Variants in ST6GAL2 observed in about 807,000 individuals in gnomAD.
ST6GAL2 encodes ST6 beta-galactoside alpha-2,6-sialyltransferase 2, also known as beta-galactoside alpha-2,6-sialyltransferase 2.
In ST6GAL2, 24 loss-of-function variants were observed where a neutral mutation model predicts 37.5. The observed-to-expected ratio is 0.64, with a 90% confidence interval of 0.46 to 0.90. The LOEUF is 0.90. Among genes scored for constraint, ST6GAL2 ranks in the 40% least tolerant of loss-of-function variants. The pLI is 0.00. For synonymous variants in ST6GAL2, 306 were observed against 295.1 expected (o/e 1.04, Z -0.38); for missense variants, 715 against 712.7 (o/e 1.00, Z -0.04).
intron 1 of ST6GAL2, among the ~76,000 whole-genome samples, chr2:106,864,035 C>T (rs1677920578): frequency 6.6e-6 from 1 of 152,182 alleles, no homozygotes; most frequent in South Asian, 2.1e-4. Context: ...CTTTGGATTG[C>T]ATGTCCCTAG....
At chr2:106,820,182 T>C (rs866108525) in intron 5 of ST6GAL2, among the ~76,000 whole-genome samples, 5 of 152,052 alleles carry the variant, frequency 3.3e-5, no homozygotes, top group African/African-American at 1.2e-4. Flanking sequence ...AGTGGCTGAA[T>C]GGATAACAAA....
intron 4 of ST6GAL2, among the ~76,000 whole-genome samples, chr2:106,832,179 G>A (rs1053919880): frequency 2.6e-5 from 4 of 152,134 alleles, no homozygotes; most frequent in South Asian, 2.1e-4. Context: ...TGAGATTTTC[G>A]TGCCATCACC....
chr2:106,868,781 C>T (rs1050021206), intron 1 of ST6GAL2, among the ~76,000 whole-genome samples: 2 of 151,970 alleles, frequency 1.3e-5, no homozygotes, highest in Non-Finnish European at 2.9e-5. Context: ...GGTCAACTTG[C>T]TTTTCAAATG....
At chr2:106,808,802 A>T (rs1675509937) in intron 5 of ST6GAL2, among the ~76,000 whole-genome samples, 1 of 152,146 alleles carries the variant, frequency 6.6e-6, no homozygotes, top group African/African-American at 2.4e-5. Flanking sequence ...AAATTCTTTT[A>T]TTTCCAGTCA....
In ST6GAL2 at chr2:106,803,004, A is replaced by C. The variant is rs1187962588; in HGVS notation, c.*3674T>G. The C allele has an allele frequency of 6.6e-6, 1 of 152,200 alleles. No individual in the cohort carries two copies. Among genetic ancestry groups the C allele is most frequent in the African/African-American group, 2.4e-5 (1 of 41,456 alleles). The allele number at this position is 152,200 out of a possible 1,614,324, so 9.4% of individuals were successfully genotyped here. ...AAGACTGATCCCACTTAAAGCACCC[A>C]AACGGGACCTACCTAATTAATTCAG... On this transcript the variant is annotated 3_prime_UTR_variant, in exon 6 of 6. Transcript: ENST00000409382.
At chr2:106,852,255 A>T (rs1677398206) in intron 1 of ST6GAL2, among the ~76,000 whole-genome samples, 1 of 152,180 alleles carries the variant, frequency 6.6e-6, no homozygotes, top group African/African-American at 2.4e-5. Context: ...GTCCTGCGGG[A>T]TTGCCAAGTC....
chr2:106,874,138 T>G (rs1456586593), intron 1 of ST6GAL2, among the ~76,000 whole-genome samples: 1 of 152,150 alleles, frequency 6.6e-6, no homozygotes, highest in Admixed American at 6.5e-5. Flanking sequence ...TGCAAGGAAC[T>G]TACAGTTTAG....
At chr2:106,868,600 C>A (rs1460643106) in intron 1 of ST6GAL2, among the ~76,000 whole-genome samples, 1 of 152,160 alleles carries the variant, frequency 6.6e-6, no homozygotes, top group African/African-American at 2.4e-5. Flanking sequence ...TTCAAACATG[C>A]TTGCTGCTAA....
chr2:106,827,660 C>A (rs1479996649), intron 5 of ST6GAL2, among the ~76,000 whole-genome samples: 1 of 152,260 alleles, frequency 6.6e-6, no homozygotes, highest in East Asian at 1.9e-4. Flanking sequence ...ACATAACGTT[C>A]TGGGACAATG....
In ST6GAL2 at chr2:106,829,207, G is replaced by A. The variant is rs75863564; in HGVS notation, c.1318+859C>T. Among the ~76,000 whole-genome samples, 929 of 152,282 alleles carry A rather than the reference G, an allele frequency of 6.1e-3. 11 individuals are homozygous for A. The highest frequency in any genetic ancestry group is 0.021 in the African/African-American group (864 of 41,554). On this transcript the variant is annotated intron_variant, in intron 5 of 5. Transcript: ENST00000409382. ...GCCTCCCTCACTTCCCTCAAGAGGC[G>A]GGGGTCTATGTTTTGTCCCCTGGAA... is the stretch of plus-strand genomic sequence containing the variant.
upstream of ST6GAL2, chr2:106,886,650 G>GCGCCC (rs1390817962): frequency 6.6e-6 from 1 of 151,808 alleles, no homozygotes; most frequent in East Asian, 2.0e-4. Flanking sequence ...AGGCTGCGCC[G>GCGCCC]CGCCCCGCCC....
At chr2:106,865,794 G>T (rs1345852913) in intron 1 of ST6GAL2, among the ~76,000 whole-genome samples, 1 of 152,128 alleles carries the variant, frequency 6.6e-6, no homozygotes, top group Non-Finnish European at 1.5e-5. Context: ...TGGAATTCAG[G>T]CCTTATACTT....
In ST6GAL2 at chr2:106,843,339, A is replaced by G. The variant is rs2104517834; in HGVS notation, c.639T>C (p.Ser213=). The G allele has an allele frequency of 6.2e-7, 1 of 1,614,074 alleles. No individual in the cohort carries two copies. Among genetic ancestry groups the G allele is most frequent in the Non-Finnish European group, 8.5e-7 (1 of 1,180,006 alleles). ...GCAGGCGCGGGTTCAGCATTTTGGA[A>G]GAGACGTTCCCCTTCCAGAGCCGGT... The part of the protein sequence containing the change: ...FLYRLWKGNV[S]SKMLNPRLQK... The change falls in exon 2 of 6, where the codon TCT becomes TCC. Residue 213 remains serine (S), a synonymous_variant. Coordinates refer to ENST00000409382, the MANE Select transcript of ST6GAL2 (RefSeq NM_001142351.2).
rs2104516987 is a variant in ST6GAL2 at position 106,843,248 on chromosome 2, C to A, written c.730G>T (p.Ala244Ser). Reference sequence around the variant, plus strand: ...AGCAGCTGTGCCCTGCTCAGCCCGGCCTCCCGCTTCCCGCGGAAGCGCACC... The same window carrying A: ...AGCAGCTGTGCCCTGCTCAGCCCGGACTCCCGCTTCCCGCGGAAGCGCACC... ...HGVRFRGKRE[A>S]GLSRAQLLCQ... Residue 244 changes from alanine (A) to serine (S), a missense_variant, in exon 2 of 6, where the codon GCC becomes TCC. By Grantham distance (99) the Ala-to-Ser change is moderately conservative (BLOSUM62 1). This residue lies in a region of ST6GAL2 where 512 missense variants were observed against 488.8 expected (regional missense o/e 1.05). Coordinates refer to ENST00000409382, the MANE Select transcript of ST6GAL2 (RefSeq NM_001142351.2). The A allele has an allele frequency of 6.3e-7, 1 of 1,590,494 alleles. No individual in the cohort carries two copies. Among genetic ancestry groups the A allele is most frequent in the Non-Finnish European group, 8.6e-7 (1 of 1,168,192 alleles).
intron 5 of ST6GAL2, among the ~76,000 whole-genome samples, chr2:106,807,345 T>C (rs147707771): frequency 3.5e-3 from 531 of 152,292 alleles, no homozygotes; most frequent in African/African-American, 0.012. Context: ...GGGACAGTTA[T>C]GTTCCAAAGA....
In ST6GAL2 at chr2:106,882,877, G is replaced by A. The variant is rs150361756; in HGVS notation, c.-58+3216C>T. ...AGCCAGGATGGCACAGAACAGTTCC[G>A]TCCAGATAGAAGTCCTCCGCAGTGG... On this transcript the variant is annotated intron_variant, in intron 1 of 5. Transcript: ENST00000409382. Among the ~76,000 whole-genome samples the A allele has an allele frequency of 3.7e-4, 56 of 152,328 alleles. No homozygotes were observed. The East Asian group carries it at 3.9e-3, about 10-fold the overall frequency.
chr2:106,853,394 C>G (rs186167862), intron 1 of ST6GAL2, among the ~76,000 whole-genome samples: 1 of 152,316 alleles, frequency 6.6e-6, no homozygotes, highest in East Asian at 1.9e-4. Context: ...GGTTTTCTAC[C>G]TCGGTAGGAA....
chr2:106,851,670 CTT>C (rs5833214), intron 1 of ST6GAL2, among the ~76,000 whole-genome samples: 13,865 of 135,758 alleles, frequency 0.1, 1,138 homozygotes, highest in East Asian at 0.47. Flanking sequence ...GTTTTTCTTT[CTT>C]TTTTTTTTTT....
intron 5 of ST6GAL2, among the ~76,000 whole-genome samples, chr2:106,816,864 G>A (rs1392678324): frequency 6.6e-6 from 1 of 152,168 alleles, no homozygotes; most frequent in East Asian, 1.9e-4. Context: ...CCAACACCGT[G>A]CCTCCTCCAT....
Sources: allele counts gnomAD v4.1 joint callset (sites outside exome capture counted in the v4.1 genomes callset), GRCh38; gene constraint gnomAD v4.1.1; regional missense constraint gnomAD v4.1.1; transcripts MANE v1.5; gene names NCBI Gene and HGNC (gene_info 2026-07-23, HGNC 2026-07-21).